PTPRN2: variants seen among roughly 807,000 people sequenced by gnomAD.
The protein encoded by PTPRN2 is protein tyrosine phosphatase receptor type N2, also known as receptor-type tyrosine-protein phosphatase N2.
A neutral mutation model predicts 118.8 loss-of-function variants in PTPRN2; 74 were observed. The ratio of observed to expected loss-of-function variants is 0.62; its 90% CI spans 0.52 to 0.76. The LOEUF (loss-of-function observed/expected upper bound fraction) is 0.76, where lower values mean the gene tolerates loss of function less well. PTPRN2 is among the 30% of genes least tolerant of loss of function. The pLI, the probability that PTPRN2 is intolerant of heterozygous loss-of-function variation, is 0.00. For synonymous variants in PTPRN2, 641 were observed against 608.0 expected (o/e 1.05, Z -0.80); for missense variants, 1,481 against 1,394.4 (o/e 1.06, Z -0.99).
At position 158,514,424 on chromosome 7, in the gene PTPRN2, G is replaced by A. The variant is rs751514165; in HGVS notation, c.113-24639C>T. ...GCTGCCCAGTCCCTGAACAAGCATG[G>A]GCCTGGCAGGGGTGTTCCTCAGATG... On this transcript the variant is annotated intron_variant, in intron 1 of 22. Transcript: ENST00000389418. Among the ~76,000 whole-genome samples, 107 of 152,138 alleles carry A rather than the reference G, an allele frequency of 7.0e-4. 1 individual carries two copies. The highest frequency in any genetic ancestry group is 4.3e-4 in the Non-Finnish European group (29 of 68,034).
At chr7:157,946,939 C>CGTCTG (rs1800524297) in intron 11 of PTPRN2, among the ~76,000 whole-genome samples, 1 of 152,138 alleles carries the variant, frequency 6.6e-6, no homozygotes, top group Admixed American at 6.5e-5. Context: ...GTCAAAGAAT[C>CGTCTG]AGGGGTCTCT....
intron 1 of PTPRN2, among the ~76,000 whole-genome samples, chr7:158,531,434 C>T (rs968805246): frequency 6.6e-6 from 1 of 152,220 alleles, no homozygotes; most frequent in Non-Finnish European, 1.5e-5. Flanking sequence ...CCTGCGAGCC[C>T]AGGGGTGGCA....
intron 12 of PTPRN2, among the ~76,000 whole-genome samples, chr7:157,853,457 C>A (rs1371092380): frequency 1.3e-5 from 2 of 152,148 alleles, no homozygotes; most frequent in African/African-American, 2.4e-5. Flanking sequence ...TCCCCACCCC[C>A]CCACCTCCCT....
intron 3 of PTPRN2, among the ~76,000 whole-genome samples, chr7:158,256,569 A>G (rs1209180028): frequency 6.6e-6 from 1 of 151,956 alleles, no homozygotes; most frequent in Non-Finnish European, 1.5e-5. Context: ...AGGAGACAGA[A>G]GCTGGCGGGG....
At chr7:157,971,703 G>GA (rs989475747) in intron 11 of PTPRN2, among the ~76,000 whole-genome samples, 17 of 151,654 alleles carry the variant, frequency 1.1e-4, no homozygotes, top group Admixed American at 5.3e-4. Context: ...AAGAAAGAAA[G>GA]AAAAAAAACC....
chr7:158,121,136 C>T (rs1030104147), intron 9 of PTPRN2, among the ~76,000 whole-genome samples: 1 of 152,116 alleles, frequency 6.6e-6, no homozygotes, highest in African/African-American at 2.4e-5. Flanking sequence ...GGTGACTGCT[C>T]CAAAGGGCCA....
chr7:158,357,208 A>G (rs1167462253), intron 2 of PTPRN2, among the ~76,000 whole-genome samples: 1 of 152,238 alleles, frequency 6.6e-6, no homozygotes, highest in Non-Finnish European at 1.5e-5. Flanking sequence ...AAGCATCCAC[A>G]TTACATAAAA....
At chr7:157,878,877 G>C (rs1795949381) in intron 12 of PTPRN2, among the ~76,000 whole-genome samples, 1 of 121,174 alleles carries the variant, frequency 8.3e-6, no homozygotes, top group African/African-American at 3.5e-5. Context: ...CGTGGGGCTG[G>C]AAGGGTCAGT....
Position 158,485,608 on chromosome 7 carries a change from GCCCCGCCTGCTCGGCCACCCCTCTCTGCA to G in PTPRN2, c.163+4098_163+4126del, listed in dbSNP as rs1239129549. On this transcript the variant is annotated intron_variant, in intron 2 of 22. Transcript: ENST00000389418. ...CTCCTGCTCGGCCACCCCTCTCTGC[GCCCCGCCTGCTCGGCCACCCCTCTCTGCA>G]CCCCTCCTGCACAGGCCTCTCCTCC... 1.7e-5 allele frequency among the ~76,000 whole-genome samples: 2 copies of G among 116,476 alleles called. 1 individual carries two copies. The highest frequency in any genetic ancestry group is 6.3e-5 in the African/African-American group (2 of 31,848). 76.4% of individuals were successfully genotyped at this position (116,476 alleles called of 152,430 possible). A position where few individuals can be genotyped will look rare whatever the true frequency, so the allele number is the denominator to read the frequency against.
At chr7:158,121,145 C>A (rs1224652103) in intron 9 of PTPRN2, among the ~76,000 whole-genome samples, 2 of 152,148 alleles carry the variant, frequency 1.3e-5, no homozygotes, top group South Asian at 4.1e-4. Flanking sequence ...TCCAAAGGGC[C>A]AGCCTACCTG....
chr7:157,700,564 A>G (rs1798014130), intron 12 of PTPRN2, among the ~76,000 whole-genome samples: 1 of 151,970 alleles, frequency 6.6e-6, no homozygotes, highest in Non-Finnish European at 1.5e-5. Context: ...CCATCCCCCT[A>G]TGCTGATGGC....
At chr7:158,053,132 G>C (rs928161049) in intron 11 of PTPRN2, among the ~76,000 whole-genome samples, 2 of 152,186 alleles carry the variant, frequency 1.3e-5, no homozygotes, top group African/African-American at 4.8e-5. Flanking sequence ...GTCAATAAAA[G>C]TGATTTTCAT....
rs550871014 is a variant in PTPRN2 at position 158,586,484 on chromosome 7, C to A, written c.112+1074G>T. ...ATCCCCGCCTGCGTTTGCTTCTGCA[C>A]CCCGTGGACACCGATTATCCTAACC... On this transcript the variant is annotated intron_variant, in intron 1 of 22. Coordinates refer to ENST00000389418, the MANE Select transcript of PTPRN2 (RefSeq NM_002847.5). 5.2e-4 allele frequency among the ~76,000 whole-genome samples: 79 copies of A among 152,326 alleles called. 3 individuals carry two copies. In the South Asian group the frequency reaches 0.016, roughly 30 times the overall value.
rs562591570 is a variant in PTPRN2, at chr7:157,719,562, C to T, written c.1789-36625G>A. ...TGCCTGCTGTCCAGTTCTTGGCATC[C>T]GGGAGCTCCAGCTGGCATGAAGGCA... On this transcript the variant is annotated intron_variant, in intron 12 of 22. Coordinates refer to ENST00000389418, the MANE Select transcript of PTPRN2 (RefSeq NM_002847.5). Among the ~76,000 whole-genome samples, 15 of 152,358 alleles carry T rather than the reference C, an allele frequency of 9.8e-5. No individual in the cohort carries two copies. The South Asian group carries it at 1.7e-3, about 17-fold the overall frequency.
At chr7:157,724,640 C>T (rs1360471923) in intron 12 of PTPRN2, among the ~76,000 whole-genome samples, 1 of 152,222 alleles carries the variant, frequency 6.6e-6, no homozygotes, top group East Asian at 1.9e-4. Context: ...AACACTCATG[C>T]AAGCCTGCAG....
intron 1 of PTPRN2, among the ~76,000 whole-genome samples, chr7:158,583,444 G>T (rs1828740404): frequency 6.6e-6 from 1 of 152,118 alleles, no homozygotes; most frequent in Non-Finnish European, 1.5e-5. Flanking sequence ...AGCAGAGAGA[G>T]GACTATGACA....
chr7:157,911,063 CTCTT>C (rs770978481), intron 11 of PTPRN2, among the ~76,000 whole-genome samples: 231 of 152,332 alleles, frequency 1.5e-3, no homozygotes, highest in Admixed American at 2.5e-3. Context: ...TTCATCATCT[CTCTT>C]TTCTTCTTTG....
intron 3 of PTPRN2, among the ~76,000 whole-genome samples, chr7:158,237,948 G>C (rs1480721939): frequency 2.0e-5 from 3 of 152,186 alleles, no homozygotes; most frequent in Non-Finnish European, 2.9e-5. Flanking sequence ...GGCTGCCATG[G>C]AGATACACAC....
intron 1 of PTPRN2, among the ~76,000 whole-genome samples, chr7:158,560,102 G>A (rs988971190): frequency 6.6e-6 from 1 of 152,192 alleles, no homozygotes; most frequent in Admixed American, 6.5e-5. Context: ...TTTTAGGACC[G>A]GCTTCTTTCA....
Sources: allele counts gnomAD v4.1 joint callset (sites outside exome capture counted in the v4.1 genomes callset), GRCh38; gene constraint gnomAD v4.1.1; transcripts MANE v1.5; gene names NCBI Gene and HGNC (gene_info 2026-07-23, HGNC 2026-07-21).